Variants in FASTKD2 observed in about 807,000 individuals in gnomAD.
The protein encoded by FASTKD2 is FAST kinase domain-containing protein 2, mitochondrial.
FASTKD2 carries 51 observed loss-of-function variants against 63.6 expected under a neutral mutation model. The observed-to-expected ratio is 0.80, with a 90% CI of 0.64 to 1.01. FASTKD2 has a LOEUF of 1.01. Among genes scored for constraint, FASTKD2 ranks in the 50% least tolerant of loss-of-function variants. FASTKD2 has a pLI of 0.00. For synonymous variants in FASTKD2, 284 were observed against 293.4 expected (o/e 0.97, Z 0.33); for missense variants, 786 against 831.1 (o/e 0.95, Z 0.67).
Position 206,766,921 on chromosome 2 carries a change from T to C in FASTKD2, c.228T>C (p.Tyr76=). 6.2e-7 allele frequency: 1 copy of C among 1,601,470 alleles called. No homozygotes were observed. The highest frequency in any genetic ancestry group is 8.5e-7 in the Non-Finnish European group (1 of 1,172,494). Residue 76 remains tyrosine (Y), a synonymous_variant, in exon 2 of 12, where the codon TAT becomes TAC. Coordinates refer to ENST00000402774, the MANE Select transcript of FASTKD2 (RefSeq NM_001136193.2). ...TGCAATCAACTGATATCATTAGATA[T>C]CTCTTTCAGGATGCATTCATTTTTA... The part of the protein sequence containing the change: ...NRMQSTDIIR[Y]LFQDAFIFKS...
chr2:206,776,242 C>A (rs999835761), intron 7 of FASTKD2, among the ~76,000 whole-genome samples: 1 of 151,500 alleles, frequency 6.6e-6, no homozygotes, highest in East Asian at 1.9e-4. Context: ...ATATGAGTTA[C>A]AGGAATTCCT....
chr2:206,788,253 T>C lies in FASTKD2; in HGVS notation c.1813+98T>C, dbSNP rs917496895. 2.7e-5 allele frequency: 21 copies of C among 771,980 alleles called. No individual in the cohort carries two copies. The South Asian group carries it at 3.1e-4, about 11-fold the overall frequency. 47.8% of individuals were successfully genotyped at this position (771,980 alleles called of 1,614,324 possible). A position where few individuals can be genotyped will look rare whatever the true frequency, so the allele number is the denominator to read the frequency against. On this transcript the variant is annotated intron_variant, in intron 9 of 11. Transcript: ENST00000402774. ...TATTTGTGGCAGCAGTTTAGTGTAG[T>C]GCAGCATTGCCTCTGGAACTGGCCT...
chr2:206,771,595 T>G (rs957863445), intron 4 of FASTKD2, among the ~76,000 whole-genome samples: 2 of 142,290 alleles, frequency 1.4e-5, no homozygotes, highest in African/African-American at 5.4e-5. Flanking sequence ...GGCAGGGAGA[T>G]CTCTTGATCC....
Position 206,774,334 on chromosome 2 carries a change from A to G in FASTKD2, c.1364A>G (p.Asn455Ser), listed in dbSNP as rs1160035618. ...VEDPESLNMK[N>S]ILSILHTYSS... The stretch of plus-strand genomic sequence containing the variant: ...GATCCTGAATCCCTAAACATGAAAA[A>G]CATTCTATCTATTCTTCATACTTAC... Residue 455 changes from asparagine (N) to serine (S), a missense_variant, in exon 7 of 12, where the codon AAC becomes AGC. By Grantham distance (46) the Asn-to-Ser change is conservative. Transcript: ENST00000402774. 1.2e-6 allele frequency: 2 copies of G among 1,604,354 alleles called. No individual in the cohort carries two copies. The highest frequency in any genetic ancestry group is 1.7e-6 in the Non-Finnish European group (2 of 1,171,882).
intron 10 of FASTKD2, chr2:206,790,354 TA>T (rs1157072696): frequency 4.2e-6 from 2 of 479,584 alleles, no homozygotes; most frequent in Non-Finnish European, 7.6e-6. Flanking sequence ...AACTGAGAGG[TA>T]ACTGTGTATA....
At chr2:206,776,022 T>C (rs559086396) in intron 7 of FASTKD2, among the ~76,000 whole-genome samples, 1 of 152,040 alleles carries the variant, frequency 6.6e-6, no homozygotes, top group East Asian at 1.9e-4. Context: ...TGTTGGCCAT[T>C]TGTATGTCTT....
chr2:206,787,860 C>A, intron 8 of FASTKD2, 77 bp from the exon 9 acceptor site: 1 of 640,128 alleles, frequency 1.6e-6, no homozygotes, highest in Non-Finnish European at 2.7e-6. Context: ...ATAACTATTA[C>A]TAAATATATA....
At chr2:206,776,330 A>G (rs1244092861) in intron 7 of FASTKD2, among the ~76,000 whole-genome samples, 1 of 151,784 alleles carries the variant, frequency 6.6e-6, no homozygotes, top group Non-Finnish European at 1.5e-5. Flanking sequence ...TTGCTTTTTC[A>G]CTTTGTTGAC....
At chr2:206,788,926 G>A (rs1266650380) in intron 10 of FASTKD2, 23 bp downstream of exon 10, 1 of 1,215,136 alleles carries the variant, frequency 8.2e-7, no homozygotes, top group South Asian at 1.2e-5. Flanking sequence ...TATTTCATTT[G>A]CTGGGCTTTC....
intron 7 of FASTKD2, among the ~76,000 whole-genome samples, chr2:206,777,662 G>C (rs1005293432): frequency 1.3e-5 from 2 of 152,098 alleles, no homozygotes; most frequent in Admixed American, 1.3e-4. Context: ...GGTAATGCTG[G>C]CCTCATAAAA....
Position 206,788,094 on chromosome 2 carries a change from C to T in FASTKD2, c.1752C>T (p.Ser584=). ...TNAKVAEVLS[S]LLGGEGHFSK... ...CAAAGGTGGCAGAGGTGCTGAGCAGCCTTCTGGGAGGTGAAGGACACTTCT... is the reference window on the plus strand; with the variant it reads ...CAAAGGTGGCAGAGGTGCTGAGCAGTCTTCTGGGAGGTGAAGGACACTTCT... The change falls in exon 9 of 12, where the codon AGC becomes AGT. Residue 584 remains serine, a synonymous_variant. Coordinates refer to ENST00000402774, the MANE Select transcript of FASTKD2 (RefSeq NM_001136193.2). 6.2e-7 allele frequency: 1 copy of T among 1,613,494 alleles called. No homozygotes were observed. Among genetic ancestry groups the T allele is most frequent in the Non-Finnish European group, 8.5e-7 (1 of 1,179,720 alleles).
intron 7 of FASTKD2, among the ~76,000 whole-genome samples, chr2:206,783,905 TG>T (rs1690063913): frequency 6.6e-6 from 1 of 152,188 alleles, no homozygotes; most frequent in Non-Finnish European, 1.5e-5. Context: ...GGGAGGTCTG[TG>T]CTACTGGCCT....
rs138885236 is a variant in FASTKD2, at chr2:206,778,633, A to G, written c.1427+4236A>G. Among the ~76,000 whole-genome samples, 57 of 152,062 alleles carry G rather than the reference A, an allele frequency of 3.7e-4. 1 individual carries two copies. In the East Asian group the frequency reaches 9.5e-3, roughly 25 times the overall value. On this transcript the variant is annotated intron_variant, in intron 7 of 11. Transcript: ENST00000402774. ...ATGTGTTCTGGTGCTATTGGCTGGA[A>G]TGTTCTGTATGTGTCTGTTATATCC...
chr2:206,766,569 G>A (rs1689483116), intron 1 of FASTKD2, 75 bp from the exon 2 acceptor site: 1 of 878,424 alleles, frequency 1.1e-6, no homozygotes, highest in African/African-American at 1.7e-5. Context: ...TTTCTCTTCT[G>A]TTAAATGCAT....
Position 206,767,323 on chromosome 2 carries a change from C to T in FASTKD2, c.630C>T (p.His210=), listed in dbSNP as rs746568003. The change falls in exon 2 of 12, where the codon CAC becomes CAT. Residue 210 remains histidine, a synonymous_variant. Coordinates refer to ENST00000402774, the MANE Select transcript of FASTKD2 (RefSeq NM_001136193.2). The stretch of plus-strand genomic sequence containing the variant: ...TTGAAAAACGACTGATGTTTAGCCA[C>T]CCTGCATTTAATCAGCTCTGTGAAC... ...KRFEKRLMFS[H]PAFNQLCEHM... is the part of the protein sequence containing the mutation. 13 of 1,614,042 alleles carry T rather than the reference C, an allele frequency of 8.1e-6. No homozygotes were observed. The highest frequency in any genetic ancestry group is 3.3e-4 in the Middle Eastern group (2 of 6,084).
intron 7 of FASTKD2, among the ~76,000 whole-genome samples, chr2:206,783,517 A>C (rs532641252): frequency 8.5e-4 from 130 of 152,142 alleles, no homozygotes; most frequent in African/African-American, 2.9e-3. Context: ...GCTCCCATTG[A>C]TGCCTTGTAC....
chr2:206,770,779 A>T (rs1333577660), intron 3 of FASTKD2, among the ~76,000 whole-genome samples: 3 of 151,980 alleles, frequency 2.0e-5, no homozygotes, highest in Non-Finnish European at 4.4e-5. Context: ...GAGAATTGAT[A>T]TGTATATTTA....
chr2:206,785,499 A>G (rs961188388), intron 7 of FASTKD2, among the ~76,000 whole-genome samples: 1 of 152,132 alleles, frequency 6.6e-6, no homozygotes, highest in Non-Finnish European at 1.5e-5. Context: ...CCTGGAGGAA[A>G]GAAACAGCAG....
intron 7 of FASTKD2, among the ~76,000 whole-genome samples, chr2:206,781,875 C>G (rs1468243346): frequency 6.6e-6 from 1 of 151,920 alleles, no homozygotes; most frequent in Non-Finnish European, 1.5e-5. Flanking sequence ...ATGCTGGTTT[C>G]GTCCGCTCTC....
Sources: allele counts gnomAD v4.1 joint callset (sites outside exome capture counted in the v4.1 genomes callset), GRCh38; gene constraint gnomAD v4.1.1; transcripts MANE v1.5; gene names NCBI Gene and HGNC (gene_info 2026-07-23, HGNC 2026-07-21).